NTMT1: variants seen among roughly 807,000 people sequenced by gnomAD.
NTMT1 encodes the protein N-terminal Xaa-Pro-Lys N-methyltransferase 1.
In NTMT1, 8 loss-of-function variants were observed where a neutral mutation model predicts 17.5. The observed-to-expected ratio is 0.46, with a 90% CI of 0.27 to 0.82. The LOEUF is 0.82. NTMT1 is among the 40% of genes least tolerant of loss of function. The probability of loss-of-function intolerance (pLI) is 0.15; values close to 1 mark genes in which losing one functional copy is unlikely to be tolerated. For missense variants in NTMT1, 221 were observed against 303.5 expected (o/e 0.73, Z 2.02); for synonymous variants, 128 against 126.8 (o/e 1.01, Z -0.06).
intron 1 of NTMT1, among the ~76,000 whole-genome samples, chr9:129,627,811 A>G (rs1483698426): frequency 6.6e-6 from 1 of 152,196 alleles, no homozygotes; most frequent in African/African-American, 2.4e-5. Context: ...CTAGGCTGCT[A>G]GAGGGTGGAG....
intron 1 of NTMT1, among the ~76,000 whole-genome samples, chr9:129,617,043 G>A (rs1830427164): frequency 6.6e-6 from 1 of 151,972 alleles, no homozygotes; most frequent in Non-Finnish European, 1.5e-5. Flanking sequence ...CTCCAGCCTA[G>A]GGACGGAGTG....
intron 1 of NTMT1, chr9:129,619,742 C>T: frequency 6.2e-7 from 1 of 1,614,036 alleles, no homozygotes; most frequent in Non-Finnish European, 8.5e-7. Context: ...ACGCTTACCA[C>T]AGGTCTGGGA....
intron 1 of NTMT1, among the ~76,000 whole-genome samples, chr9:129,631,077 A>C (rs1360764637): frequency 6.6e-6 from 1 of 152,042 alleles, no homozygotes; most frequent in Non-Finnish European, 1.5e-5. Context: ...CTGATGGCCC[A>C]TGCTGTCCCA....
At chr9:129,621,911 T>C (rs1207636249), upstream of NTMT1, among the ~76,000 whole-genome samples, 3 of 152,194 alleles carry the variant, frequency 2.0e-5, no homozygotes, top group African/African-American at 7.2e-5. Context: ...CCATCATCCC[T>C]GCCTGGTGCC....
intron 1 of NTMT1, among the ~76,000 whole-genome samples, chr9:129,632,077 G>T (rs1831198925): frequency 6.6e-6 from 1 of 152,164 alleles, no homozygotes; most frequent in African/African-American, 2.4e-5. Flanking sequence ...TCTCGGCTTT[G>T]CGGTCGTTTC....
rs373184580 is a variant in NTMT1, at chr9:129,635,668, G to C, written c.*204G>C. On this transcript the variant is annotated 3_prime_UTR_variant, in exon 4 of 4. Transcript: ENST00000372483. ...GAGGGTGCTGCTGAACCAGCGGTGAGGCAGGAGCCCAGACCCTGCTCTCCT... is the reference window on the plus strand; with the variant it reads ...GAGGGTGCTGCTGAACCAGCGGTGACGCAGGAGCCCAGACCCTGCTCTCCT... 9.2e-5 allele frequency: 58 copies of C among 633,580 alleles called. No homozygotes were observed. The East Asian group carries it at 1.4e-3, about 16-fold the overall frequency. 39.2% of individuals were successfully genotyped at this position (633,580 alleles called of 1,614,324 possible). A position where few individuals can be genotyped will look rare whatever the true frequency, so the allele number is the denominator to read the frequency against.
intron 1 of NTMT1, among the ~76,000 whole-genome samples, chr9:129,617,217 ATGTC>A (rs1830436840): frequency 6.6e-6 from 1 of 152,242 alleles, no homozygotes; most frequent in Non-Finnish European, 1.5e-5. Context: ...CCACATCTGT[ATGTC>A]TGTGTAGATG....
At chr9:129,618,868 GTTTT>G (rs34259203) in intron 1 of NTMT1, among the ~76,000 whole-genome samples, 1 of 128,302 alleles carries the variant, frequency 7.8e-6, no homozygotes, top group South Asian at 2.5e-4. Context: ...AATTTTTTGT[GTTTT>G]TTTTTTTTTT....
At chr9:129,616,573 G>A (rs1299627729) in intron 1 of NTMT1, among the ~76,000 whole-genome samples, 4 of 151,980 alleles carry the variant, frequency 2.6e-5, no homozygotes, top group African/African-American at 9.7e-5. Flanking sequence ...TCCCAGCCAC[G>A]TGGCCTTTGG....
Position 129,620,086 on chromosome 9 carries a change from G to T in NTMT1, c.-55+10908G>T. 1 of 1,449,768 alleles carries T rather than the reference G, an allele frequency of 6.9e-7. No individual in the cohort carries two copies. The highest frequency in any genetic ancestry group is 9.1e-7 in the Non-Finnish European group (1 of 1,099,332). The allele number at this position is 1,449,768 out of a possible 1,614,324, so 89.8% of individuals were successfully genotyped here. On this transcript the variant is annotated intron_variant, in intron 1 of 3. Transcript: ENST00000372486. The surrounding 1 kb of genome is among the most constrained non-coding windows in gnomAD (Gnocchi z 5.8). ...CCTCACTCAGTGGCTCCGGCTCCTC[G>T]GCGCACTTCTCCTGGAGCTGGTGCA...
In NTMT1 at chr9:129,620,464, CG is replaced by C; in HGVS notation, c.-55+11290del. 1 of 1,341,136 alleles carries C rather than the reference CG, an allele frequency of 7.5e-7. No homozygotes were observed. The highest frequency in any genetic ancestry group is 1.8e-5 in the South Asian group (1 of 55,628). 83.1% of individuals were successfully genotyped at this position (1,341,136 alleles called of 1,614,324 possible). On this transcript the variant is annotated intron_variant, in intron 1 of 3. Transcript: ENST00000372486. The surrounding 1 kb of genome is among the most constrained non-coding windows in gnomAD (Gnocchi z 5.8). ...CGCCCAGAGCCGCTCGGAGCGCGGG[CG>C]GGGTCAGCTTGGGCAGCCGCGGGTC...
intron 1 of NTMT1, 59 bp from the exon 2 acceptor site, chr9:129,632,591 C>T: frequency 7.8e-7 from 1 of 1,287,436 alleles, no homozygotes; most frequent in Non-Finnish European, 1.1e-6. Context: ...GGCCCTCTGC[C>T]CTGGGGGCCT....
intron 1 of NTMT1, among the ~76,000 whole-genome samples, chr9:129,631,168 G>T (rs1831146495): frequency 6.6e-6 from 1 of 152,238 alleles, no homozygotes; most frequent in Admixed American, 6.5e-5. Context: ...CCTCCAGGCG[G>T]CTGCCCCTAT....
In NTMT1 at chr9:129,613,335, C is replaced by T. The variant is rs1830178180; in HGVS notation, c.-55+4157C>T. On this transcript the variant is annotated intron_variant, in intron 1 of 3. Transcript: ENST00000372486. This position sits in a 1 kb window ranked among gnomAD's most constrained non-coding sequence, Gnocchi z 6.2. ...CTGGCAGGGCCCTTGAGGACCCACACTGGCAACCCGCCTGCTGCTGGGTGG... is the reference window on the plus strand; with the variant it reads ...CTGGCAGGGCCCTTGAGGACCCACATTGGCAACCCGCCTGCTGCTGGGTGG... The T allele has an allele frequency of 6.4e-7, 1 of 1,566,460 alleles. No homozygotes were observed. The highest frequency in any genetic ancestry group is 8.7e-7 in the Non-Finnish European group (1 of 1,155,002).
In NTMT1 at chr9:129,611,632, C is replaced by T. The variant is rs142643744; in HGVS notation, c.-55+2454C>T. Among the ~76,000 whole-genome samples the T allele has an allele frequency of 1.1e-4, 16 of 152,276 alleles. 1 individual carries two copies. In the East Asian group the frequency reaches 3.1e-3, roughly 29 times the overall value. On this transcript the variant is annotated intron_variant, in intron 1 of 3. Transcript: ENST00000372486. ...GAGGCTTGGTGGGGGAGGACAGAGG[C>T]TTGGGGTGGGGGTTCTCCACCCCTA... is the stretch of plus-strand genomic sequence containing the variant.
At position 129,613,834 on chromosome 9, in the gene NTMT1, C is replaced by T. The variant is rs77762022; in HGVS notation, c.-55+4656C>T. On this transcript the variant is annotated intron_variant, in intron 1 of 3. Transcript: ENST00000372486. The surrounding 1 kb of genome is among the most constrained non-coding windows in gnomAD (Gnocchi z 6.2). The stretch of plus-strand genomic sequence containing the variant: ...TGCGCACCCCCACTCACGCTGCAGC[C>T]GGAAGCGTGCCCCCTTTCTCGCAGT... Among the ~76,000 whole-genome samples, 1,276 of 152,334 alleles carry T rather than the reference C, an allele frequency of 8.4e-3. 14 individuals are homozygous for T. Among genetic ancestry groups the T allele is most frequent in the African/African-American group, 0.029 (1,200 of 41,568 alleles).
upstream of NTMT1, among the ~76,000 whole-genome samples, chr9:129,623,225 C>T (rs1288639005): frequency 4.2e-5 from 6 of 143,640 alleles, no homozygotes; most frequent in Admixed American, 3.5e-4. Context: ...CCCAGCTACG[C>T]GGGAGGCTGA....
At position 129,620,310 on chromosome 9, in the gene NTMT1, G is replaced by A. The variant is rs1190559224; in HGVS notation, c.-55+11132G>A. The A allele has an allele frequency of 2.1e-5, 26 of 1,244,002 alleles. No homozygotes were observed. The highest frequency in any genetic ancestry group is 2.6e-5 in the Non-Finnish European group (26 of 991,868). The allele number at this position is 1,244,002 out of a possible 1,614,324, so 77.1% of individuals were successfully genotyped here. ...AGCAGCCCCCGCTTCCGCACGGCCC[G>A]CCGGGTCGCGGTGAGCAAGGCGGGC... On this transcript the variant is annotated intron_variant, in intron 1 of 3. Coordinates refer to the NTMT1 transcript ENST00000372486. This position sits in a 1 kb window ranked among gnomAD's most constrained non-coding sequence, Gnocchi z 5.8.
chr9:129,617,076 A>G (rs2996674), intron 1 of NTMT1, among the ~76,000 whole-genome samples: 4,370 of 94,468 alleles, frequency 0.046, 66 homozygotes, highest in African/African-American at 0.097. Context: ...AAAAAAAAAG[A>G]AAAAAAAAAT....
Sources: allele counts gnomAD v4.1 joint callset (sites outside exome capture counted in the v4.1 genomes callset), GRCh38; gene constraint gnomAD v4.1.1; non-coding constraint Gnocchi (gnomAD v3.1); transcripts MANE v1.5; gene names NCBI Gene and HGNC (gene_info 2026-07-23, HGNC 2026-07-21).